Variants in CLSTN2 observed in about 807,000 individuals in gnomAD.
The protein encoded by CLSTN2 is calsyntenin-2.
CLSTN2 carries 48 observed loss-of-function variants against 101.2 expected under a neutral mutation model. That is an observed-to-expected ratio of 0.47 (90% confidence interval 0.38 to 0.60). The LOEUF (loss-of-function observed/expected upper bound fraction) is 0.60. Ranked by LOEUF, CLSTN2 falls within the 20% of genes least tolerant of loss-of-function variation. CLSTN2 has a pLI of 0.00. For synonymous variants in CLSTN2, 481 were observed against 463.6 expected, an observed-to-expected ratio of 1.04 and a Z score of -0.48; for missense variants, 1,160 against 1,238.2, an observed-to-expected ratio of 0.94 and a Z score of 0.95.
In CLSTN2 at chr3:140,562,342, G is replaced by A. The variant is rs777438814; in HGVS notation, c.2212+34G>A. 21 of 1,587,622 alleles carry A rather than the reference G, an allele frequency of 1.3e-5. No homozygotes were observed. The Admixed American group carries it at 3.5e-4, about 26-fold the overall frequency. On this transcript the variant is annotated intron_variant, in intron 13 of 16. Coordinates refer to ENST00000458420, the MANE Select transcript of CLSTN2 (RefSeq NM_022131.3). ...ACACTCAGCCCCCTTTGCCCCAAGG[G>A]TGTCCTCTTAGAATGTCCTTGTCCA...
In CLSTN2 at chr3:140,001,250, G is replaced by C. The variant is rs114820832; in HGVS notation, c.109+65767G>C. Among the ~76,000 whole-genome samples the C allele has an allele frequency of 1.8e-3, 277 of 152,066 alleles. 2 individuals are homozygous for C. The highest frequency in any genetic ancestry group is 6.6e-3 in the African/African-American group (272 of 41,468). On this transcript the variant is annotated intron_variant, in intron 1 of 16. Coordinates refer to ENST00000458420, the MANE Select transcript of CLSTN2 (RefSeq NM_022131.3). The stretch of plus-strand genomic sequence containing the variant: ...TGGCTGTTTCCCACAGAGCTCTTGT[G>C]CTCTTCTCTTCTCCTCCCATCCTTT...
intron 1 of CLSTN2, among the ~76,000 whole-genome samples, chr3:140,020,608 C>T (rs766812003): frequency 2.0e-5 from 3 of 152,124 alleles, no homozygotes; most frequent in Non-Finnish European, 2.9e-5. Flanking sequence ...CCCATTGTGC[C>T]CTGTCCTGGG....
chr3:140,534,903 C>T (rs796390456), intron 9 of CLSTN2, among the ~76,000 whole-genome samples: 15 of 152,322 alleles, frequency 9.8e-5, no homozygotes, highest in African/African-American at 3.6e-4. Flanking sequence ...CCCATCCTTC[C>T]TTAAATGGGA....
intron 2 of CLSTN2, among the ~76,000 whole-genome samples, chr3:140,296,100 A>G (rs549900442): frequency 7.6e-4 from 116 of 152,234 alleles, no homozygotes; most frequent in Admixed American, 2.4e-3. Context: ...TCTCCTGACC[A>G]ATGTGTCTTT....
At chr3:140,433,396 GC>G (rs377039084) in intron 5 of CLSTN2, among the ~76,000 whole-genome samples, 219 of 152,364 alleles carry the variant, frequency 1.4e-3, no homozygotes, top group Non-Finnish European at 2.3e-3. Flanking sequence ...TGGAACCACA[GC>G]TAGAATCAGG....
chr3:140,161,821 A>G (rs1423757484), intron 1 of CLSTN2, among the ~76,000 whole-genome samples: 1 of 152,230 alleles, frequency 6.6e-6, no homozygotes, highest in Non-Finnish European at 1.5e-5. Context: ...TTAACAAGTT[A>G]GCATTCTTAA....
At chr3:139,946,517 C>A (rs1021242699) in intron 1 of CLSTN2, among the ~76,000 whole-genome samples, 12 of 152,176 alleles carry the variant, frequency 7.9e-5, no homozygotes, top group Admixed American at 3.3e-4. Context: ...TCAGGTCAGA[C>A]TGCAGCTCTT....
At position 140,144,234 on chromosome 3, in the gene CLSTN2, G is replaced by A. The variant is rs75591940; in HGVS notation, c.110-31717G>A. On this transcript the variant is annotated intron_variant, in intron 1 of 16. Coordinates refer to ENST00000458420, the MANE Select transcript of CLSTN2 (RefSeq NM_022131.3). The stretch of plus-strand genomic sequence containing the variant: ...GGAGACAAATATGACTCCTGTTAAT[G>A]TAAATGGACCTCCAAATGAGGATTG... Among the ~76,000 whole-genome samples, 96 of 152,336 alleles carry A rather than the reference G, an allele frequency of 6.3e-4. 4 individuals are homozygous for A. In the East Asian group the frequency reaches 0.018, roughly 29 times the overall value.
At chr3:140,238,296 C>A (rs1178813604) in intron 2 of CLSTN2, among the ~76,000 whole-genome samples, 2 of 152,072 alleles carry the variant, frequency 1.3e-5, no homozygotes, top group Non-Finnish European at 2.9e-5. Flanking sequence ...GTTTTTGGAG[C>A]ACAAACCATT....
At chr3:140,110,966 T>C (rs1316959542) in intron 1 of CLSTN2, among the ~76,000 whole-genome samples, 1 of 152,196 alleles carries the variant, frequency 6.6e-6, no homozygotes, top group Non-Finnish European at 1.5e-5. Flanking sequence ...ATCCAGATTG[T>C]AGCTTGTCCA....
intron 1 of CLSTN2, among the ~76,000 whole-genome samples, chr3:140,123,174 T>A (rs927034649): frequency 3.1e-5 from 1 of 32,748 alleles, no homozygotes; most frequent in Non-Finnish European, 5.8e-5. Context: ...GGCGGGGGGG[T>A]GGGGGGCGGG....
In CLSTN2 at chr3:140,191,857, C is replaced by T. The variant is rs148572000; in HGVS notation, c.232+15784C>T. On this transcript the variant is annotated intron_variant, in intron 2 of 16. Transcript: ENST00000458420. ...CTTATTTTATTGATTTTCTTTATTG[C>T]TTTTCTGTATTATTTCCTTCATCCT... Among the ~76,000 whole-genome samples, 61 of 151,832 alleles carry T rather than the reference C, an allele frequency of 4.0e-4. 1 individual carries two copies. The highest frequency in any genetic ancestry group is 3.4e-3 in the Middle Eastern group (1 of 294).
chr3:140,359,993 T>TACACACACACACACAC (rs55746611), intron 2 of CLSTN2, among the ~76,000 whole-genome samples: 3 of 145,894 alleles, frequency 2.1e-5, no homozygotes, highest in African/African-American at 7.6e-5. Flanking sequence ...ACATATTTTA[T>TACACACACACACACAC]ACACACACAC....
At chr3:139,996,663 C>T (rs1167161534) in intron 1 of CLSTN2, among the ~76,000 whole-genome samples, 1 of 152,184 alleles carries the variant, frequency 6.6e-6, no homozygotes, top group Non-Finnish European at 1.5e-5. Context: ...AATGAATTCT[C>T]ATGGTCTTTA....
At chr3:140,409,951 A>G (rs1275012727) in intron 4 of CLSTN2, among the ~76,000 whole-genome samples, 2 of 152,046 alleles carry the variant, frequency 1.3e-5, no homozygotes, top group East Asian at 3.9e-4. Context: ...CAAGCAGAAG[A>G]AAGAATAAGC....
At chr3:140,006,608 G>T (rs1173514674) in intron 1 of CLSTN2, among the ~76,000 whole-genome samples, 3 of 152,182 alleles carry the variant, frequency 2.0e-5, no homozygotes, top group African/African-American at 7.2e-5. Flanking sequence ...GTATTTCCTA[G>T]TCAAGCATGG....
At chr3:140,288,885 A>G (rs1576500748) in intron 2 of CLSTN2, among the ~76,000 whole-genome samples, 1 of 151,914 alleles carries the variant, frequency 6.6e-6, no homozygotes, top group African/African-American at 2.4e-5. Context: ...CTTTTCACTC[A>G]CCCTTCATAC....
chr3:140,226,953 G>A (rs377689707), intron 2 of CLSTN2, among the ~76,000 whole-genome samples: 18 of 152,216 alleles, frequency 1.2e-4, no homozygotes, highest in African/African-American at 4.1e-4. Flanking sequence ...CTCCCACCAG[G>A]TCCCTCTCAT....
At chr3:140,202,336 T>G (rs532601876) in intron 2 of CLSTN2, among the ~76,000 whole-genome samples, 1 of 152,178 alleles carries the variant, frequency 6.6e-6, no homozygotes, top group East Asian at 1.9e-4. Flanking sequence ...AGTGGGATTG[T>G]GGGTGGGTAT....
Sources: allele counts gnomAD v4.1 joint callset (sites outside exome capture counted in the v4.1 genomes callset), GRCh38; gene constraint gnomAD v4.1.1; transcripts MANE v1.5; gene names NCBI Gene and HGNC (gene_info 2026-07-23, HGNC 2026-07-21).